MARCHF7: variants seen among roughly 807,000 people sequenced by gnomAD.
The protein encoded by MARCHF7 is membrane associated ring-CH-type finger 7.
Under a neutral mutation model 76.5 loss-of-function variants are expected in MARCHF7, and 20 were observed. That is an observed-to-expected ratio of 0.26 (90% CI 0.18 to 0.38). The LOEUF (loss-of-function observed/expected upper bound fraction) is 0.38, where lower values mean the gene tolerates loss of function less well. MARCHF7 is among the 10% of genes least tolerant of loss of function. The pLI is 1.00. For synonymous variants in MARCHF7, 295 were observed against 293.0 expected, an observed-to-expected ratio of 1.01 and a Z score of -0.07; for missense variants, 797 against 812.9, an observed-to-expected ratio of 0.98 and a Z score of 0.24.
intron 4 of MARCHF7, among the ~76,000 whole-genome samples, chr2:159,740,252 C>G (rs528398778): frequency 1.4e-4 from 21 of 152,244 alleles, no homozygotes; most frequent in African/African-American, 2.4e-4. Context: ...TTTATCCCCC[C>G]CTTCATTAGT....
Position 159,752,577 on chromosome 2 carries a change from ATTTACCC to A in MARCHF7, c.1783+10_1783+16del, listed in dbSNP as rs923155101. The A allele has an allele frequency of 1.3e-6, 2 of 1,490,932 alleles. No homozygotes were observed. Among genetic ancestry groups the A allele is most frequent in the Admixed American group, 2.5e-5 (1 of 40,676 alleles). The allele number at this position is 1,490,932 out of a possible 1,614,324, so 92.4% of individuals were successfully genotyped here. On this transcript the variant is annotated splice_region_variant and intron_variant, in intron 8 of 11. Coordinates refer to ENST00000409175, the MANE Select transcript of MARCHF7 (RefSeq NM_001282805.2). ...ACAGGCCAAAATTAACTCTGGTAAG[ATTTACCC>A]TTTTGTGTTTTCACAATTTTTCTAA...
intron 1 of MARCHF7, among the ~76,000 whole-genome samples, chr2:159,713,564 C>CA (rs1417591843): frequency 2.5e-4 from 38 of 152,180 alleles, no homozygotes; most frequent in African/African-American, 9.2e-4. Context: ...TGTCCAGAAC[C>CA]AAGATGTAGG....
intron 3 of MARCHF7, among the ~76,000 whole-genome samples, chr2:159,721,009 C>T (rs1356784896): frequency 6.6e-6 from 1 of 151,510 alleles, no homozygotes; most frequent in African/African-American, 2.4e-5. Flanking sequence ...AGGCGCGAGC[C>T]ACCACACACG....
chr2:159,748,969 TTTTCTTTTC>T (rs1705241438), intron 7 of MARCHF7, 66 bp downstream of exon 7: 2 of 1,239,758 alleles, frequency 1.6e-6, no homozygotes, highest in Admixed American at 6.8e-5. Context: ...CATTTCTTTT[TTTTCTTTTC>T]TTTTTTTTTT....
intron 4 of MARCHF7, among the ~76,000 whole-genome samples, chr2:159,730,272 A>G (rs1041311903): frequency 2.6e-5 from 4 of 152,170 alleles, no homozygotes; most frequent in African/African-American, 9.7e-5. Flanking sequence ...GCTGAATGTT[A>G]TAATTAATGT....
chr2:159,750,095 A>G (rs780020491), intron 7 of MARCHF7, among the ~76,000 whole-genome samples: 23 of 152,232 alleles, frequency 1.5e-4, no homozygotes, highest in Non-Finnish European at 2.5e-4. Context: ...TTGTAGAGAC[A>G]GGGTCTCGCT....
Position 159,721,341 on chromosome 2 carries a change from A to G in MARCHF7, c.-15+5575A>G, listed in dbSNP as rs185717857. 1.1e-4 allele frequency among the ~76,000 whole-genome samples: 17 copies of G among 152,286 alleles called. No homozygotes were observed. The East Asian group carries it at 3.3e-3, about 29-fold the overall frequency. On this transcript the variant is annotated intron_variant, in intron 3 of 11. Transcript: ENST00000409175. ...AAGCAGTTCATTTTTTTCATAGCTAAAGCAAGCCCACAGGTTTGTGAGATA... is the reference window on the plus strand; with the variant it reads ...AAGCAGTTCATTTTTTTCATAGCTAGAGCAAGCCCACAGGTTTGTGAGATA...
rs1705133615 is a variant in MARCHF7, at chr2:159,748,179, C to T, written c.889C>T (p.Arg297Ter). 3 of 1,610,766 alleles carry T rather than the reference C, an allele frequency of 1.9e-6. No individual in the cohort carries two copies. Among genetic ancestry groups the T allele is most frequent in the Non-Finnish European group, 2.5e-6 (3 of 1,179,144 alleles). ...ASSMSSTFFS[R>*]RSSQDSLNTR... ...TAGCATGTCATCTACTTTTTTTTCA[C>T]GAAGATCTAGTCAGGATTCCTTGAA... Residue 297 changes from arginine to a stop codon, truncating the protein, a stop_gained, in exon 7 of 12, where the codon CGA becomes TGA. Coordinates refer to ENST00000409175, the MANE Select transcript of MARCHF7 (RefSeq NM_001282805.2). LOFTEE classifies it high-confidence loss of function.
chr2:159,766,118 G>A (rs1189713380), intron 11 of MARCHF7, among the ~76,000 whole-genome samples: 1 of 152,122 alleles, frequency 6.6e-6, no homozygotes, highest in Non-Finnish European at 1.5e-5. Context: ...TGAAAGACAA[G>A]GGTGCTGCAA....
At chr2:159,726,991 G>T (rs1469905144) in intron 3 of MARCHF7, among the ~76,000 whole-genome samples, 1 of 152,178 alleles carries the variant, frequency 6.6e-6, no homozygotes, top group Non-Finnish European at 1.5e-5. Context: ...CCAGGTATTA[G>T]ACTATACCAT....
At chr2:159,751,912 G>T (rs531380893) in intron 7 of MARCHF7, among the ~76,000 whole-genome samples, 9 of 152,230 alleles carry the variant, frequency 5.9e-5, no homozygotes, top group African/African-American at 2.2e-4. Context: ...ATGTAAATGA[G>T]AATCTACAAG....
intron 3 of MARCHF7, among the ~76,000 whole-genome samples, chr2:159,722,357 C>T (rs1263943048): frequency 1.3e-5 from 2 of 152,112 alleles, no homozygotes; most frequent in African/African-American, 2.4e-5. Flanking sequence ...AGGCTGGTCT[C>T]GAACTCCTGG....
chr2:159,746,357 G>A (rs1376729521), intron 6 of MARCHF7, among the ~76,000 whole-genome samples: 1 of 152,200 alleles, frequency 6.6e-6, no homozygotes, highest in Non-Finnish European at 1.5e-5. Flanking sequence ...TAACATGGAT[G>A]TGCCTCTAGT....
intron 4 of MARCHF7, among the ~76,000 whole-genome samples, chr2:159,734,444 A>ATT (rs1703210144): frequency 6.6e-6 from 1 of 152,150 alleles, no homozygotes; most frequent in South Asian, 2.1e-4. Context: ...GTTTTCAAGG[A>ATT]AATAAATACA....
chr2:159,742,261 T>G (rs1004046006), intron 4 of MARCHF7, among the ~76,000 whole-genome samples: 1 of 151,968 alleles, frequency 6.6e-6, no homozygotes, highest in Non-Finnish European at 1.5e-5. Context: ...TTTTTTTTTG[T>G]TTTTTAGCAT....
chr2:159,733,072 T>A (rs796570316), intron 4 of MARCHF7: 12 of 270,122 alleles, frequency 4.4e-5, no homozygotes, highest in Non-Finnish European at 5.1e-5. Context: ...GTTATAATTA[T>A]TTATAATTGT....
intron 8 of MARCHF7, among the ~76,000 whole-genome samples, chr2:159,756,711 AAAACAG>A (rs1706367376): frequency 7.6e-6 from 1 of 131,988 alleles, no homozygotes; most frequent in East Asian, 2.0e-4. Flanking sequence ...AAAAAAAAAA[AAAACAG>A]ATGATTCAGA....
intron 3 of MARCHF7, 99 bp downstream of exon 3, chr2:159,715,865 T>A (rs576453490): frequency 6.6e-6 from 1 of 152,350 alleles, no homozygotes; most frequent in South Asian, 2.1e-4. Flanking sequence ...AAAGTAGTTA[T>A]CTTTCCATTA....
chr2:159,755,779 T>A (rs994193041), intron 8 of MARCHF7, among the ~76,000 whole-genome samples: 2 of 152,146 alleles, frequency 1.3e-5, no homozygotes. Context: ...CATAGACAAC[T>A]ATGTTGTGAG....
Sources: gnomAD v4.1 joint callset for allele counts (sites outside exome capture counted in the v4.1 genomes callset) on GRCh38, gnomAD v4.1.1 for gene constraint, MANE v1.5 for transcripts, NCBI Gene and HGNC (gene_info 2026-07-23, HGNC 2026-07-21) for gene names.